Variants in NDUFS8 observed in about 807,000 individuals in gnomAD.
NDUFS8 encodes NADH:ubiquinone oxidoreductase core subunit S8, also known as NADH dehydrogenase [ubiquinone] iron-sulfur protein 8, mitochondrial.
In NDUFS8, 13 loss-of-function variants were observed where a neutral mutation model predicts 25.6. The observed-to-expected ratio is 0.51, with a 90% confidence interval of 0.33 to 0.81. NDUFS8 has a LOEUF of 0.81. Ranked by LOEUF, NDUFS8 falls within the 30% of genes least tolerant of loss-of-function variation. The pLI, the probability that NDUFS8 is intolerant of heterozygous loss-of-function variation, is 0.02. For missense variants in NDUFS8, 257 were observed against 300.9 expected, an observed-to-expected ratio of 0.85 and a Z score of 1.08; for synonymous variants, 119 against 119.4, an observed-to-expected ratio of 1.00 and a Z score of 0.02.
chr11:68,032,546 C>A, intron 3 of NDUFS8: 1 of 1,475,572 alleles, frequency 6.8e-7, no homozygotes, highest in South Asian at 1.3e-5. Context: ...GATCTCAGAG[C>A]TCCCTGGGTG....
intron 5 of NDUFS8, chr11:68,035,513 G>A (rs1854867580): frequency 3.8e-6 from 1 of 261,044 alleles, no homozygotes; most frequent in Non-Finnish European, 7.9e-6. Context: ...TTGGTAAAAT[G>A]ACATCAGTGA....
At chr11:68,035,743 G>A (rs1203125592) in intron 5 of NDUFS8, 5 of 453,956 alleles carry the variant, frequency 1.1e-5, no homozygotes, top group Non-Finnish European at 2.2e-5. Context: ...AGGCAGGCCG[G>A]GCACGGTGGC....
At chr11:68,033,633 T>G in intron 5 of NDUFS8, 1 of 371,260 alleles carries the variant, frequency 2.7e-6, no homozygotes, top group Non-Finnish European at 5.1e-6. Context: ...GAGTCCTGCT[T>G]GTGTGCCTGT....
In NDUFS8 at chr11:68,031,680, G is replaced by A. The variant is rs2134412502; in HGVS notation, c.1-472G>A. 1.8e-5 allele frequency: 5 copies of A among 271,120 alleles called. No homozygotes were observed. The South Asian group carries it at 1.9e-4, about 10-fold the overall frequency. The allele number at this position is 271,120 out of a possible 1,614,324, so 16.8% of individuals were successfully genotyped here. ...GTCACTCAACAAACTGAGTCCCAGC[G>A]CCTTATTTGTGCCTCCCTCGTGGAG... is the stretch of plus-strand genomic sequence containing the variant. On this transcript the variant is annotated intron_variant, in intron 1 of 6. Coordinates refer to ENST00000313468, the MANE Select transcript of NDUFS8 (RefSeq NM_002496.4).
At chr11:68,034,852 C>CTT (rs1854852023) in intron 5 of NDUFS8, 1 of 151,278 alleles carries the variant, frequency 6.6e-6, no homozygotes, top group South Asian at 2.1e-4. Flanking sequence ...GGGCGGATCA[C>CTT]AAGGTCAGGA....
intron 5 of NDUFS8, chr11:68,033,749 A>C: frequency 4.2e-6 from 1 of 240,714 alleles, no homozygotes; most frequent in South Asian, 4.9e-5. Flanking sequence ...CACGGGAACA[A>C]TATGACTCGG....
chr11:68,036,065 A>G, intron 5 of NDUFS8, 188 bp from the exon 6 acceptor site: 1 of 685,240 alleles, frequency 1.5e-6, no homozygotes, highest in Non-Finnish European at 2.3e-6. Flanking sequence ...GGACGCCAGC[A>G]GGGCACGTGC....
chr11:68,031,316 ACCT>A (rs367806548), intron 1 of NDUFS8, among the ~76,000 whole-genome samples: 30 of 152,010 alleles, frequency 2.0e-4, no homozygotes, highest in African/African-American at 7.2e-4. Flanking sequence ...TCCTCGGCCC[ACCT>A]CCTTATCGTG....
In NDUFS8 at chr11:68,032,650, C is replaced by G. The variant is rs769767821; in HGVS notation, c.110-273C>G. On this transcript the variant is annotated intron_variant, in intron 3 of 6. Transcript: ENST00000313468. ...AAAGGCTCAAGCCCCCCACCTACCC[C>G]CCTTGATTCCTCTTTCAAGCCCTGT... The G allele has an allele frequency of 6.6e-5, 62 of 936,212 alleles. No homozygotes were observed. The South Asian group carries it at 8.9e-4, about 13-fold the overall frequency. The allele number at this position is 936,212 out of a possible 1,614,324, so 58.0% of individuals were successfully genotyped here. A position where few individuals can be genotyped will look rare whatever the true frequency, so the allele number is the denominator to read the frequency against.
intron 5 of NDUFS8, chr11:68,035,556 A>G (rs1854868562): frequency 3.7e-6 from 1 of 268,160 alleles, no homozygotes; most frequent in Non-Finnish European, 7.8e-6. Flanking sequence ...CCAAACCTTC[A>G]ATTTGTAAAA....
At chr11:68,034,204 G>A (rs1212632647) in intron 5 of NDUFS8, 5 of 152,546 alleles carry the variant, frequency 3.3e-5, no homozygotes, top group Admixed American at 3.3e-4. Context: ...TTTCTGGGAT[G>A]GGGGCATATG....
rs1812347981 is a variant in NDUFS8 at position 68,036,625 on chromosome 11, A to G, written c.*32A>G. ...ACCGGCCCGCAGCCCCTGCTGCCCA[A>G]TAAAACCACTCCGACCCCACGGCCT... On this transcript the variant is annotated 3_prime_UTR_variant, in exon 7 of 7. Coordinates refer to ENST00000313468, the MANE Select transcript of NDUFS8 (RefSeq NM_002496.4). 1 of 1,612,354 alleles carries G rather than the reference A, an allele frequency of 6.2e-7. No homozygotes were observed. The highest frequency in any genetic ancestry group is 8.5e-7 in the Non-Finnish European group (1 of 1,179,822).
intron 3 of NDUFS8, 185 bp downstream of exon 3, chr11:68,032,521 G>C: frequency 1.3e-6 from 2 of 1,502,000 alleles, no homozygotes; most frequent in Non-Finnish European, 1.8e-6. Flanking sequence ...CATCATTGCC[G>C]AGGTTAGCAT....
Position 68,035,624 on chromosome 11 carries a change from G to A in NDUFS8, c.373-629G>A, listed in dbSNP as rs1356618977. ...GCGGGACTGTAACTCAGCACTCACC[G>A]CAGGGTGAGACCCTTAGGGCAGCGG... is the stretch of plus-strand genomic sequence containing the variant. On this transcript the variant is annotated intron_variant, in intron 5 of 6. Coordinates refer to ENST00000313468, the MANE Select transcript of NDUFS8 (RefSeq NM_002496.4). The A allele has an allele frequency of 2.6e-5, 11 of 422,864 alleles. No individual in the cohort carries two copies. The East Asian group carries it at 3.8e-4, about 15-fold the overall frequency. The allele number at this position is 422,864 out of a possible 1,614,324, so 26.2% of individuals were successfully genotyped here.
Position 68,032,952 on chromosome 11 carries a change from G to A in NDUFS8, c.139G>A (p.Asp47Asn), listed in dbSNP as rs11556013. The part of the protein sequence containing the change: ...KYVNMQDPEM[D>N]MKSVTDRAAR... ...TGTGAACATGCAGGATCCCGAGATG[G>A]ACATGAAGTCAGTGACTGACCGGGC... Residue 47 changes from aspartate (D) to asparagine (N), a missense_variant, in exon 4 of 7, where the codon GAC (aspartate) becomes AAC (asparagine). Physicochemically the swap from Asp to Asn is conservative, Grantham distance 23 (BLOSUM62 1). Coordinates refer to ENST00000313468, the MANE Select transcript of NDUFS8 (RefSeq NM_002496.4). 6.2e-7 allele frequency: 1 copy of A among 1,613,906 alleles called. No individual in the cohort carries two copies.
chr11:68,032,809 C>G (rs1854797203), intron 3 of NDUFS8, 114 bp from the exon 4 acceptor site: 1 of 1,081,784 alleles, frequency 9.2e-7, no homozygotes, highest in African/African-American at 1.6e-5. Context: ...TGTACAGCCC[C>G]TTTGTAGCCC....
chr11:68,034,077 C>G (rs1449296817), intron 5 of NDUFS8: 1 of 154,580 alleles, frequency 6.5e-6, no homozygotes, highest in Non-Finnish European at 1.5e-5. Flanking sequence ...TGACTCACAG[C>G]CTCTCCTGTA....
At chr11:68,032,698 C>A in intron 3 of NDUFS8, 1 of 796,352 alleles carries the variant, frequency 1.3e-6, no homozygotes, top group Non-Finnish European at 2.0e-6. Flanking sequence ...TGCGTCTGGG[C>A]TCCAATGGCC....
rs1790328719 is a variant in NDUFS8, at chr11:68,036,015, C to T, written c.373-238C>T. Reference sequence around the variant, plus strand: ...GCCTGGCGACAGAGCGAGACTCTATCTCAAAAAAAAAAAAAAAAAAAAAAA... The same window carrying T: ...GCCTGGCGACAGAGCGAGACTCTATTTCAAAAAAAAAAAAAAAAAAAAAAA... On this transcript the variant is annotated intron_variant, in intron 5 of 6. Transcript: ENST00000313468. 105 of 406,164 alleles carry T rather than the reference C, an allele frequency of 2.6e-4. 4 individuals are homozygous for T. Among genetic ancestry groups the T allele is most frequent in the South Asian group, 2.4e-3 (101 of 42,456 alleles). The allele number at this position is 406,164 out of a possible 1,614,324, so 25.2% of individuals were successfully genotyped here.
Sources: allele counts gnomAD v4.1 joint callset (sites outside exome capture counted in the v4.1 genomes callset), GRCh38; gene constraint gnomAD v4.1.1; transcripts MANE v1.5; gene names NCBI Gene and HGNC (gene_info 2026-07-23, HGNC 2026-07-21).